The following CCDC178 variants were observed in gnomAD, a reference collection of about 807,000 sequenced individuals.
The protein encoded by CCDC178 is coiled-coil domain-containing protein 178.
A neutral mutation model predicts 117.4 loss-of-function variants in CCDC178; 126 were observed. The ratio of observed to expected loss-of-function variants is 1.07; its 90% confidence interval spans 0.93 to 1.24. CCDC178 has a LOEUF of 1.24. Among genes scored for constraint, CCDC178 ranks in the 50% most tolerant of loss-of-function variants. CCDC178 has a pLI of 0.00. For synonymous variants in CCDC178, 283 were observed against 313.4 expected (o/e 0.90, Z 1.02); for missense variants, 1,030 against 986.9 (o/e 1.04, Z -0.59).
chr18:33,095,841 T>A (rs1348840199), intron 20 of CCDC178, among the ~76,000 whole-genome samples: 1 of 151,988 alleles, frequency 6.6e-6, no homozygotes, highest in African/African-American at 2.4e-5. Context: ...TCATACCATA[T>A]GTTTTTGTAT....
intron 2 of CCDC178, among the ~76,000 whole-genome samples, chr18:33,416,069 G>T: frequency 6.6e-6 from 1 of 152,194 alleles, no homozygotes; most frequent in Non-Finnish European, 1.5e-5. Flanking sequence ...CCAGGAAAGG[G>T]GCGGCTTAGT....
At chr18:33,313,230 A>C (rs113655953) in intron 11 of CCDC178, among the ~76,000 whole-genome samples, 1 of 152,232 alleles carries the variant, frequency 6.6e-6, no homozygotes, top group African/African-American at 2.4e-5. Context: ...GTTAATAAAC[A>C]GGTAAAAAAA....
intron 3 of CCDC178, among the ~76,000 whole-genome samples, chr18:33,402,634 G>A (rs560822767): frequency 1.3e-5 from 2 of 152,338 alleles, no homozygotes; most frequent in South Asian, 2.1e-4. Context: ...AACTCTTCTA[G>A]AGATATCTTA....
intron 20 of CCDC178, among the ~76,000 whole-genome samples, chr18:33,129,716 C>G (rs570590005): frequency 7.8e-4 from 119 of 151,754 alleles, no homozygotes; most frequent in Admixed American, 2.2e-3. Context: ...TACTGGTTTT[C>G]TGCAAATATA....
chr18:33,082,428 C>T (rs1436976819), intron 21 of CCDC178, among the ~76,000 whole-genome samples: 3 of 152,158 alleles, frequency 2.0e-5, no homozygotes, highest in Non-Finnish European at 4.4e-5. Context: ...GCCGAGATCA[C>T]GTCACTGTAC....
intron 3 of CCDC178, among the ~76,000 whole-genome samples, chr18:33,401,645 T>C (rs2144862851): frequency 6.6e-6 from 1 of 152,132 alleles, no homozygotes; most frequent in Admixed American, 6.6e-5. Flanking sequence ...ATTAACATGA[T>C]ATATAACATT....
At chr18:33,384,831 G>A (rs967877990) in intron 5 of CCDC178, among the ~76,000 whole-genome samples, 12 of 152,132 alleles carry the variant, frequency 7.9e-5, no homozygotes, top group East Asian at 3.9e-4. Context: ...ACCAGCCAGC[G>A]CCATGATGAC....
rs35832872 is a variant in CCDC178, at chr18:33,170,056, TTG to T, written c.2238+41838_2238+41839del. On this transcript the variant is annotated intron_variant, in intron 20 of 22. Coordinates refer to ENST00000383096, the MANE Select transcript of CCDC178 (RefSeq NM_001105528.4). The stretch of plus-strand genomic sequence containing the variant: ...ATGTTTTGTGGTATATCCCAGGCAT[TTG>T]TGTGTGTGTGTGTGTGTGTGTATGT... Among the ~76,000 whole-genome samples, 276 of 147,562 alleles carry T rather than the reference TTG, an allele frequency of 1.9e-3. 1 individual carries two copies. Among genetic ancestry groups the T allele is most frequent in the Middle Eastern group, 3.5e-3 (1 of 286 alleles).
chr18:33,242,045 A>G (rs2059494549), intron 15 of CCDC178, among the ~76,000 whole-genome samples: 1 of 151,930 alleles, frequency 6.6e-6, no homozygotes, highest in South Asian at 2.1e-4. Flanking sequence ...CAAAGATAGC[A>G]TGGTACTGGC....
rs12607218 is a variant in CCDC178, at chr18:33,112,393, A to G, written c.2239-19483T>C. On this transcript the variant is annotated intron_variant, in intron 20 of 22. Transcript: ENST00000383096. The stretch of plus-strand genomic sequence containing the variant: ...CCTTTGTGCTACTTAAGAATTAATG[A>G]TATAAAATTCAAAGTAGAAGCGACA... 3.3e-5 allele frequency among the ~76,000 whole-genome samples: 5 copies of G among 152,012 alleles called. No homozygotes were observed. In the East Asian group the frequency reaches 9.7e-4, roughly 30 times the overall value.
intron 20 of CCDC178, among the ~76,000 whole-genome samples, chr18:33,170,894 T>C (rs1215552017): frequency 6.6e-6 from 1 of 150,780 alleles, no homozygotes; most frequent in African/African-American, 2.4e-5. Context: ...ATTCATCTTA[T>C]AGTAGCACAT....
At chr18:33,039,698 G>C (rs908141719) in intron 21 of CCDC178, among the ~76,000 whole-genome samples, 1 of 151,880 alleles carries the variant, frequency 6.6e-6, no homozygotes, top group African/African-American at 2.4e-5. Flanking sequence ...AACGAGAGAG[G>C]GGACCTTAGA....
At chr18:33,037,875 G>T (rs949933871) in intron 21 of CCDC178, among the ~76,000 whole-genome samples, 1 of 151,904 alleles carries the variant, frequency 6.6e-6, no homozygotes, top group Non-Finnish European at 1.5e-5. Context: ...ATAGGAATGG[G>T]AGAAGGCAGC....
intron 12 of CCDC178, among the ~76,000 whole-genome samples, chr18:33,275,105 A>G (rs1420397801): frequency 6.6e-6 from 1 of 152,116 alleles, no homozygotes; most frequent in African/African-American, 2.4e-5. Context: ...GTGGCTAATA[A>G]GAAAAAAATG....
In CCDC178 at chr18:33,211,979, C is replaced by CT. The variant is rs1568059543; in HGVS notation, c.2154dup (p.Asp719ArgfsTer3). On this transcript the variant is annotated frameshift_variant, in exon 20 of 23. Coordinates refer to ENST00000383096, the MANE Select transcript of CCDC178 (RefSeq NM_001105528.4). LOFTEE classifies it high-confidence loss of function. ...TCCTCAAAGATTCTCTCTTCACAGT[C>CT]TTTTTTCTCTTGCATATAATGATCA... The CT allele has an allele frequency of 1.9e-6, 3 of 1,609,410 alleles. No homozygotes were observed. The highest frequency in any genetic ancestry group is 1.7e-4 in the Middle Eastern group (1 of 6,030).
At chr18:33,201,291 T>G (rs1189730924) in intron 20 of CCDC178, among the ~76,000 whole-genome samples, 1 of 152,230 alleles carries the variant, frequency 6.6e-6, no homozygotes, top group African/African-American at 2.4e-5. Context: ...AACATTTACA[T>G]TCCTTGATTA....
chr18:33,048,127 C>T (rs914780913), intron 21 of CCDC178, among the ~76,000 whole-genome samples: 2 of 152,098 alleles, frequency 1.3e-5, no homozygotes, highest in African/African-American at 4.8e-5. Context: ...AGCCAAGGAA[C>T]ACCTAAGGTT....
intron 5 of CCDC178, among the ~76,000 whole-genome samples, chr18:33,384,290 T>G (rs1476717330): frequency 6.6e-6 from 1 of 152,070 alleles, no homozygotes; most frequent in Non-Finnish European, 1.5e-5. Context: ...AAAACATACT[T>G]CAGGACACCA....
intron 12 of CCDC178, among the ~76,000 whole-genome samples, chr18:33,271,902 A>T (rs2059895669): frequency 1.3e-5 from 2 of 151,576 alleles, no homozygotes; most frequent in South Asian, 4.1e-4. Context: ...AACTTATTGG[A>T]TGAAGTTAGA....
Sources: allele counts gnomAD v4.1 joint callset (sites outside exome capture counted in the v4.1 genomes callset), GRCh38; gene constraint gnomAD v4.1.1; transcripts MANE v1.5; gene names NCBI Gene and HGNC (gene_info 2026-07-23, HGNC 2026-07-21).